Variants in USB1 observed in about 807,000 individuals in gnomAD.
USB1 encodes U6 snRNA biogenesis phosphodiesterase 1.
A neutral mutation model predicts 29.9 loss-of-function variants in USB1; 21 were observed. The observed-to-expected ratio is 0.70, with a 90% confidence interval of 0.50 to 1.01. The LOEUF is 1.01. Among genes scored for constraint, USB1 ranks in the 50% least tolerant of loss-of-function variants. The pLI is 0.00. For missense variants in USB1, 330 were observed against 347.1 expected, an observed-to-expected ratio of 0.95 and a Z score of 0.39; for synonymous variants, 143 against 134.9, an observed-to-expected ratio of 1.06 and a Z score of -0.42.
At chr16:58,000,635 G>A (rs985219199), upstream of USB1, among the ~76,000 whole-genome samples, 41 of 149,512 alleles carry the variant, frequency 2.7e-4, no homozygotes, top group Middle Eastern at 3.5e-3. This position sits in a 1 kb window ranked among gnomAD's most constrained non-coding sequence, Gnocchi z 4.5. Context: ...AGCGCCGGGA[G>A]GGCGGGCGGA....
At chr16:58,007,961 C>T (rs1013213115) in intron 2 of USB1, among the ~76,000 whole-genome samples, 1 of 151,894 alleles carries the variant, frequency 6.6e-6, no homozygotes, top group Non-Finnish European at 1.5e-5. Flanking sequence ...CCATCCTGGG[C>T]AAAAGAGTGA....
rs1038810908 is a variant in USB1, at chr16:58,021,443, C to G, written c.*1198C>G. The G allele has an allele frequency of 6.6e-6, 1 of 152,280 alleles. No homozygotes were observed. Among genetic ancestry groups the G allele is most frequent in the African/African-American group, 2.4e-5 (1 of 41,464 alleles). The allele number at this position is 152,280 out of a possible 1,614,324, so 9.4% of individuals were successfully genotyped here. A position where few individuals can be genotyped will look rare whatever the true frequency, so the allele number is the denominator to read the frequency against. On this transcript the variant is annotated 3_prime_UTR_variant, in exon 7 of 7. Transcript: ENST00000219281. Reference sequence around the variant, plus strand: ...CAGCTGCAGGCATTCTGAGGGGCAACGTGGAGGAAGGGCCAGGGATGCATG... The same window carrying G: ...CAGCTGCAGGCATTCTGAGGGGCAAGGTGGAGGAAGGGCCAGGGATGCATG...
At chr16:58,001,406 C>T (rs912402434), upstream of USB1, 5 of 1,519,220 alleles carry the variant, frequency 3.3e-6, no homozygotes, top group African/African-American at 1.4e-5. Context: ...CCTGGGAGGG[C>T]GCTTCCGGCA....
chr16:58,020,424 T>C lies in USB1; in HGVS notation c.*179T>C, dbSNP rs1278134945. 6.2e-6 allele frequency: 4 copies of C among 648,316 alleles called. No homozygotes were observed. Among genetic ancestry groups the C allele is most frequent in the African/African-American group, 3.6e-5 (2 of 55,026 alleles). The allele number at this position is 648,316 out of a possible 1,614,324, so 40.2% of individuals were successfully genotyped here. A position where few individuals can be genotyped will look rare whatever the true frequency, so the allele number is the denominator to read the frequency against. Reference sequence around the variant, plus strand: ...GAGTGCTGATATTCTCTCTCTCTCTTTCTCTTCCTCTTCTTTCTCTCTCTT... The same window carrying C: ...GAGTGCTGATATTCTCTCTCTCTCTCTCTCTTCCTCTTCTTTCTCTCTCTT... On this transcript the variant is annotated 3_prime_UTR_variant, in exon 7 of 7. Transcript: ENST00000219281.
rs142769438 is a variant in USB1 at position 58,020,466 on chromosome 16, CTCTG to C, written c.*225_*228del. ...CTCTCTCTTCTCCTCTCTTTCTCTC[CTCTG>C]TCTCTCTTCCTCTCCTCTCTTCCTC... On this transcript the variant is annotated 3_prime_UTR_variant, in exon 7 of 7. Transcript: ENST00000219281. 9,215 of 594,942 alleles carry C rather than the reference CTCTG, an allele frequency of 0.015. 114 individuals carry two copies. The highest frequency in any genetic ancestry group is 0.04 in the African/African-American group (2,131 of 53,464). The allele number at this position is 594,942 out of a possible 1,614,324, so 36.9% of individuals were successfully genotyped here.
intron 3 of USB1, chr16:58,012,825 G>A (rs987378032): frequency 9.1e-6 from 9 of 993,964 alleles, no homozygotes; most frequent in African/African-American, 3.5e-5. Flanking sequence ...GGGAAGCCAC[G>A]GCCTGGGCTC....
At chr16:57,999,999 A>AG (rs1963124282), upstream of USB1, 1 of 152,690 alleles carries the variant, frequency 6.5e-6, no homozygotes, top group Admixed American at 6.5e-5. Context: ...CACTCCGCAA[A>AG]GGGGAGAGAG....
In USB1 at chr16:58,012,577, C is replaced by A. The variant is rs563249604; in HGVS notation, c.450-1696C>A. 2.2e-6 allele frequency: 3 copies of A among 1,395,210 alleles called. No homozygotes were observed. The Admixed American group carries it at 8.8e-5, about 41-fold the overall frequency. 86.4% of individuals were successfully genotyped at this position (1,395,210 alleles called of 1,614,324 possible). Reference sequence around the variant, plus strand: ...ATGGTGTACCAGCCTGGAAAGACAGCCTCCCTCTCTGATTGGCTTCAGCAC... The same window carrying A: ...ATGGTGTACCAGCCTGGAAAGACAGACTCCCTCTCTGATTGGCTTCAGCAC... On this transcript the variant is annotated intron_variant, in intron 3 of 6. Transcript: ENST00000219281.
chr16:58,017,713 G>A lies in USB1; in HGVS notation c.609+274G>A, dbSNP rs76264927. Among the ~76,000 whole-genome samples, 282 of 152,204 alleles carry A rather than the reference G, an allele frequency of 1.9e-3. 3 individuals are homozygous for A. Among genetic ancestry groups the A allele is most frequent in the African/African-American group, 6.4e-3 (266 of 41,538 alleles). ...GTACCTTCTGCTCCATAATGTTCCC[G>A]TGTTGTTTTCACATTTTTTAAGTAG... On this transcript the variant is annotated intron_variant, in intron 5 of 6. Coordinates refer to ENST00000219281, the MANE Select transcript of USB1 (RefSeq NM_024598.4).
chr16:58,021,327 G>A lies in USB1; in HGVS notation c.*1082G>A, dbSNP rs1963735187. 1 of 152,282 alleles carries A rather than the reference G, an allele frequency of 6.6e-6. No homozygotes were observed. The highest frequency in any genetic ancestry group is 1.9e-4 in the East Asian group (1 of 5,188). The allele number at this position is 152,282 out of a possible 1,614,324, so 9.4% of individuals were successfully genotyped here. A position where few individuals can be genotyped will look rare whatever the true frequency, so the allele number is the denominator to read the frequency against. On this transcript the variant is annotated 3_prime_UTR_variant, in exon 7 of 7. Coordinates refer to ENST00000219281, the MANE Select transcript of USB1 (RefSeq NM_024598.4). ...AGTGGCTGAAAGCCAGGCCTCCAAT[G>A]CACTGTGACCTCTGGCTTCCCCAGC... is the stretch of plus-strand genomic sequence containing the variant.
At chr16:58,003,123 T>C (rs1324824119) in intron 2 of USB1, among the ~76,000 whole-genome samples, 1 of 152,142 alleles carries the variant, frequency 6.6e-6, no homozygotes, top group African/African-American at 2.4e-5. Flanking sequence ...TTTCTTCAAA[T>C]CTAAAATGGG....
At chr16:58,008,158 T>C (rs1218458938) in intron 2 of USB1, among the ~76,000 whole-genome samples, 1 of 152,222 alleles carries the variant, frequency 6.6e-6, no homozygotes, top group Non-Finnish European at 1.5e-5. Context: ...CCTTTTATTA[T>C]CCATGGGATC....
chr16:58,020,094 C>G, intron 6 of USB1, 47 bp from the exon 7 acceptor site: 1 of 1,596,806 alleles, frequency 6.3e-7, no homozygotes, highest in Non-Finnish European at 8.6e-7. Context: ...CCTGTGGGTC[C>G]CAGATGCCCC....
intron 4 of USB1, chr16:58,015,754 G>C (rs73546972): frequency 0.071 from 10,831 of 152,110 alleles, 1,324 homozygotes; most frequent in African/African-American, 0.25. Flanking sequence ...AGCCAGCCTT[G>C]GGAAGAGCTG....
In USB1 at chr16:58,020,724, A is replaced by ATCTCTTCCTCCCCTCTC. The variant is rs1963723061; in HGVS notation, c.*489_*490insCCCTCTCTCTCTTCCTC. On this transcript the variant is annotated 3_prime_UTR_variant, in exon 7 of 7. Transcript: ENST00000219281. ...TGTCCTCTATCTCTTCCCCTCCTCT[A>ATCTCTTCCTCCCCTCTC]TCTCTTCCTCTCCTCTCTCTCTTCC... 3 of 81,702 alleles carry ATCTCTTCCTCCCCTCTC rather than the reference A, an allele frequency of 3.7e-5. No homozygotes were observed. Among genetic ancestry groups the ATCTCTTCCTCCCCTCTC allele is most frequent in the African/African-American group, 2.0e-4 (3 of 15,002 alleles). The allele number at this position is 81,702 out of a possible 1,614,324, so 5.1% of individuals were successfully genotyped here. A position where few individuals can be genotyped will look rare whatever the true frequency, so the allele number is the denominator to read the frequency against.
At chr16:58,012,379 A>G in intron 3 of USB1, 1 of 1,483,912 alleles carries the variant, frequency 6.7e-7, no homozygotes, top group Non-Finnish European at 9.1e-7. Context: ...AGAGAAATTT[A>G]TAGGCTGGTA....
intron 3 of USB1, chr16:58,011,623 C>T (rs1202557473): frequency 3.0e-6 from 3 of 988,622 alleles, no homozygotes; most frequent in Non-Finnish European, 3.6e-6. Context: ...GTGACACCTC[C>T]GTCCAGAGAT....
intron 4 of USB1, among the ~76,000 whole-genome samples, chr16:58,014,569 G>A (rs1486435019): frequency 1.3e-5 from 2 of 152,226 alleles, no homozygotes; most frequent in African/African-American, 4.8e-5. Flanking sequence ...GATAGCTTGA[G>A]CTCAGGAGTT....
At chr16:58,001,398 T>C, upstream of USB1, 1 of 1,496,714 alleles carries the variant, frequency 6.7e-7, no homozygotes, top group South Asian at 1.2e-5. Flanking sequence ...GCCCCGCCCC[T>C]GGGAGGGCGC....
Sources: allele counts gnomAD v4.1 joint callset (sites outside exome capture counted in the v4.1 genomes callset), GRCh38; gene constraint gnomAD v4.1.1; non-coding constraint Gnocchi (gnomAD v3.1); transcripts MANE v1.5; gene names NCBI Gene and HGNC (gene_info 2026-07-23, HGNC 2026-07-21).